The following CCDC7 variants were observed in gnomAD, a reference collection of about 807,000 sequenced individuals.
CCDC7 encodes coiled-coil domain-containing protein 7.
In CCDC7, 183 loss-of-function variants were observed where a neutral mutation model predicts 196.9. That is an observed-to-expected ratio of 0.93 (90% CI 0.82 to 1.05). The LOEUF (loss-of-function observed/expected upper bound fraction) is 1.05, where lower values mean the gene tolerates loss of function less well. Among genes scored for constraint, CCDC7 ranks in the 50% least tolerant of loss-of-function variants. The probability of loss-of-function intolerance (pLI) is 0.00; values close to 1 mark genes in which losing one functional copy is unlikely to be tolerated. For missense variants in CCDC7, 1,540 were observed against 1,482.2 expected, an observed-to-expected ratio of 1.04 and a Z score of -0.64; for synonymous variants, 525 against 484.6, an observed-to-expected ratio of 1.08 and a Z score of -1.10.
intron 11 of CCDC7, among the ~76,000 whole-genome samples, chr10:32,530,664 ACT>A (rs2049495241): frequency 6.6e-6 from 1 of 151,808 alleles, no homozygotes; most frequent in African/African-American, 2.4e-5. Flanking sequence ...TTGGGGGTTG[ACT>A]CTAGGTTTTT....
Position 32,474,210 on chromosome 10 carries a change from C to CTTTTTT in CCDC7, c.796+212_796+217dup, listed in dbSNP as rs71027095. ...GGATACGTGTTACTGAAACTAGATT[C>CTTTTTT]TTTTTTTTTTTTTTTTTTTTTTTTT... On this transcript the variant is annotated intron_variant, in intron 8 of 41. Coordinates refer to ENST00000639629, the Ensembl canonical transcript of CCDC7. 5.8e-4 allele frequency among the ~76,000 whole-genome samples: 34 copies of CTTTTTT among 58,970 alleles called. 5 individuals are homozygous for CTTTTTT. Among genetic ancestry groups the CTTTTTT allele is most frequent in the South Asian group, 2.8e-3 (3 of 1,058 alleles). 38.7% of individuals were successfully genotyped at this position (58,970 alleles called of 152,430 possible).
At chr10:32,706,639 C>T (rs1449591488) in intron 24 of CCDC7, among the ~76,000 whole-genome samples, 1 of 150,612 alleles carries the variant, frequency 6.6e-6, no homozygotes, top group Non-Finnish European at 1.5e-5. Context: ...AAAGGGGATA[C>T]CACCCATTAT....
intron 29 of CCDC7, among the ~76,000 whole-genome samples, chr10:32,791,481 A>G (rs2082692464): frequency 6.6e-6 from 1 of 152,124 alleles, no homozygotes; most frequent in African/African-American, 2.4e-5. Flanking sequence ...TGAGATCAAG[A>G]AAATAATTCA....
intron 21 of CCDC7, among the ~76,000 whole-genome samples, chr10:32,669,191 T>G (rs1463846833): frequency 2.6e-5 from 4 of 152,184 alleles, no homozygotes; most frequent in Non-Finnish European, 5.9e-5. Context: ...GTTAATGTGA[T>G]GTATCACATT....
At chr10:32,722,052 A>C (rs965372185) in intron 25 of CCDC7, among the ~76,000 whole-genome samples, 1 of 152,110 alleles carries the variant, frequency 6.6e-6, no homozygotes, top group African/African-American at 2.4e-5. Flanking sequence ...TTGGATGGAA[A>C]ATTAGTCCCA....
At chr10:32,616,147 CT>C (rs1473269802) in intron 18 of CCDC7, among the ~76,000 whole-genome samples, 1 of 151,858 alleles carries the variant, frequency 6.6e-6, no homozygotes, top group Non-Finnish European at 1.5e-5. Context: ...ATTTGGACTC[CT>C]TTTTTGATTC....
intron 11 of CCDC7, among the ~76,000 whole-genome samples, chr10:32,528,650 G>A (rs201271297): frequency 1.9e-3 from 252 of 133,254 alleles, no homozygotes; most frequent in East Asian, 0.013. Context: ...GTGTGTGTGT[G>A]TATATATATA....
Position 32,812,467 on chromosome 10 carries a change from G to A in CCDC7, c.3098-1903G>A, listed in dbSNP as rs541096444. Among the ~76,000 whole-genome samples, 42 of 151,992 alleles carry A rather than the reference G, an allele frequency of 2.8e-4. No homozygotes were observed. The South Asian group carries it at 8.3e-3, about 30-fold the overall frequency. ...TAACAATAGCACAAAAATGGGGAAC[G>A]GAATACAGCTATATGGGAGTTACTT... On this transcript the variant is annotated intron_variant, in intron 30 of 41. Transcript: ENST00000639629.
intron 21 of CCDC7, among the ~76,000 whole-genome samples, chr10:32,674,122 G>T (rs1762533): frequency 0.14 from 21,541 of 150,472 alleles, 1,897 homozygotes; most frequent in African/African-American, 0.25. Context: ...TTCTAATTTT[G>T]TTTTTTTTTC....
exon 22 of CCDC7, chr10:32,686,064 A>C (rs1161479960): frequency 7.4e-6 from 11 of 1,488,098 alleles, no homozygotes; most frequent in Non-Finnish European, 1.0e-5. Flanking sequence ...AAACTTCTAC[A>C]GAGCAACCAC....
At chr10:32,468,408 T>C (rs943862716) in intron 5 of CCDC7, among the ~76,000 whole-genome samples, 1 of 152,208 alleles carries the variant, frequency 6.6e-6, no homozygotes, top group African/African-American at 2.4e-5. Flanking sequence ...ATAGGAATGC[T>C]AGTGATTTTT....
chr10:32,854,666 G>A (rs1001081460), intron 41 of CCDC7, among the ~76,000 whole-genome samples, 177 bp downstream of exon 42: 3 of 152,122 alleles, frequency 2.0e-5, no homozygotes, highest in African/African-American at 7.2e-5. Flanking sequence ...GTAAACAGTG[G>A]TTTGTGGTTC....
At chr10:32,769,161 T>G (rs1020544399) in intron 28 of CCDC7, among the ~76,000 whole-genome samples, 6 of 152,144 alleles carry the variant, frequency 3.9e-5, no homozygotes, top group African/African-American at 1.4e-4. Context: ...TGGGAGATTT[T>G]TATTACTAGT....
At chr10:32,768,584 A>G (rs2078680761) in intron 28 of CCDC7, among the ~76,000 whole-genome samples, 1 of 152,080 alleles carries the variant, frequency 6.6e-6, no homozygotes, top group Non-Finnish European at 1.5e-5. Context: ...GAAAGTGGGC[A>G]TCCTTGTTCT....
chr10:32,746,640 T>C (rs2074790821), intron 28 of CCDC7, among the ~76,000 whole-genome samples: 1 of 152,184 alleles, frequency 6.6e-6, no homozygotes, highest in Non-Finnish European at 1.5e-5. Context: ...TATGTCTACT[T>C]GCAACACAGT....
intron 24 of CCDC7, among the ~76,000 whole-genome samples, chr10:32,707,469 C>T (rs11009045): frequency 0.11 from 17,294 of 152,042 alleles, 1,176 homozygotes; most frequent in South Asian, 0.27. Context: ...AGTTCTGGCC[C>T]GGGCAATCAG....
chr10:32,710,462 C>T (rs573888671), intron 24 of CCDC7, among the ~76,000 whole-genome samples: 2 of 152,296 alleles, frequency 1.3e-5, no homozygotes, highest in South Asian at 2.1e-4. Flanking sequence ...TCTCAGAGGC[C>T]GTCTGTTGGA....
intron 9 of CCDC7, among the ~76,000 whole-genome samples, chr10:32,501,541 T>G (rs1004338009): frequency 6.6e-6 from 1 of 152,136 alleles, no homozygotes; most frequent in Non-Finnish European, 1.5e-5. Flanking sequence ...GTCTGTGAGG[T>G]TGGTGATGTT....
At chr10:32,596,978 T>C (rs2060443162) in intron 18 of CCDC7, among the ~76,000 whole-genome samples, 1 of 152,150 alleles carries the variant, frequency 6.6e-6, no homozygotes, top group Admixed American at 6.5e-5. Flanking sequence ...CATTTCAACG[T>C]TGGTGAATTT....
Sources: gnomAD v4.1 joint callset for allele counts (sites outside exome capture counted in the v4.1 genomes callset) on GRCh38, gnomAD v4.1.1 for gene constraint, MANE v1.5 for transcripts, NCBI Gene and HGNC (gene_info 2026-07-23, HGNC 2026-07-21) for gene names.